The following PLAAT1 variants were observed in gnomAD, a reference collection of about 807,000 sequenced individuals.
PLAAT1 encodes the protein phospholipase A and acyltransferase 1, also known as H-REV107 protein-related protein.
A neutral mutation model predicts 16.4 loss-of-function variants in PLAAT1; 13 were observed. The observed-to-expected ratio is 0.79, with a 90% confidence interval of 0.52 to 1.26. The LOEUF (loss-of-function observed/expected upper bound fraction) is 1.26. Among genes scored for constraint, PLAAT1 ranks in the 50% most tolerant of loss-of-function variants. The pLI is 0.00. For synonymous variants in PLAAT1, 73 were observed against 78.4 expected (o/e 0.93, Z 0.36); for missense variants, 218 against 207.8 (o/e 1.05, Z -0.30).
chr3:193,246,435 A>T (rs13090024), intron 1 of PLAAT1, among the ~76,000 whole-genome samples: 3 of 151,708 alleles, frequency 2.0e-5, no homozygotes, highest in African/African-American at 7.3e-5. Context: ...TGTGATCTTG[A>T]CTCACTGCAA....
chr3:193,264,531 C>T (rs77366019), intron 3 of PLAAT1, among the ~76,000 whole-genome samples: 1,579 of 149,216 alleles, frequency 0.011, 50 homozygotes, highest in East Asian at 0.073. Context: ...TTAGATGGAG[C>T]CTTGCTCTGT....
upstream of PLAAT1, chr3:193,241,202 G>T: frequency 8.2e-7 from 1 of 1,222,270 alleles, no homozygotes. Context: ...CCTCCTGGGC[G>T]GAGCGGGCGG....
chr3:193,280,367 C>T (rs112883213), downstream of PLAAT1, among the ~76,000 whole-genome samples: 39 of 152,148 alleles, frequency 2.6e-4, no homozygotes, highest in South Asian at 2.1e-4. Context: ...TTTTCTTAAA[C>T]CAGTTAAAAT....
At chr3:193,249,668 G>C (rs958390280) in intron 1 of PLAAT1, among the ~76,000 whole-genome samples, 2 of 151,930 alleles carry the variant, frequency 1.3e-5, no homozygotes, top group African/African-American at 4.8e-5. Flanking sequence ...AAGGCTGTTA[G>C]GCTGTTTCAC....
upstream of PLAAT1, chr3:193,241,044 G>A (rs965893381): frequency 7.4e-5 from 33 of 443,768 alleles, no homozygotes; most frequent in East Asian, 1.3e-3. Context: ...CGCTTTGACC[G>A]TAGGCGCTGG....
chr3:193,269,669 T>A (rs895243194), intron 3 of PLAAT1, among the ~76,000 whole-genome samples: 1 of 152,222 alleles, frequency 6.6e-6, no homozygotes, highest in African/African-American at 2.4e-5. Flanking sequence ...TTGAAAGACC[T>A]GATTCTTCAA....
intron 1 of PLAAT1, among the ~76,000 whole-genome samples, chr3:193,253,972 T>C (rs1716287916): frequency 6.6e-6 from 1 of 152,204 alleles, no homozygotes; most frequent in Non-Finnish European, 1.5e-5. Context: ...CTCGGAATCA[T>C]AGCAGGCAGC....
intron 3 of PLAAT1, among the ~76,000 whole-genome samples, chr3:193,265,026 A>G (rs1023304948): frequency 3.9e-5 from 6 of 152,226 alleles, no homozygotes; most frequent in Admixed American, 3.9e-4. Flanking sequence ...AAGGAAGTGA[A>G]GAAATTGGAA....
In PLAAT1 at chr3:193,241,505, C is replaced by T. The variant is rs1183988138; in HGVS notation, c.-29C>T. ...GGACACACACAGCTGCCTCCCGGTG[C>T]GAGAAGAAGACCCCGGCTTGAGAGT... On this transcript the variant is annotated 5_prime_UTR_variant, in exon 1 of 4. It introduces an in-frame stop codon into an upstream open reading frame of the 5' UTR. Coordinates refer to ENST00000264735, the MANE Select transcript of PLAAT1 (RefSeq NM_020386.5). The T allele has an allele frequency of 3.0e-5, 37 of 1,231,802 alleles. No individual in the cohort carries two copies. Among genetic ancestry groups the T allele is most frequent in the Non-Finnish European group, 3.6e-5 (36 of 988,154 alleles). The allele number at this position is 1,231,802 out of a possible 1,614,324, so 76.3% of individuals were successfully genotyped here. A position where few individuals can be genotyped will look rare whatever the true frequency, so the allele number is the denominator to read the frequency against.
At chr3:193,249,746 G>C (rs1254313867) in intron 1 of PLAAT1, among the ~76,000 whole-genome samples, 1 of 151,660 alleles carries the variant, frequency 6.6e-6, no homozygotes, top group South Asian at 2.1e-4. Flanking sequence ...ATTCAAGTTT[G>C]CTAATTCTTA....
chr3:193,252,211 C>CTA (rs1405333669), intron 1 of PLAAT1, among the ~76,000 whole-genome samples: 1 of 151,978 alleles, frequency 6.6e-6, no homozygotes, highest in Non-Finnish European at 1.5e-5. Flanking sequence ...GCACCACACT[C>CTA]TTTTAAACAA....
intron 1 of PLAAT1, among the ~76,000 whole-genome samples, chr3:193,253,490 C>T (rs1396582793): frequency 3.9e-5 from 6 of 152,186 alleles, no homozygotes; most frequent in Non-Finnish European, 7.3e-5. Flanking sequence ...ATTCACAGGG[C>T]ATTTGCAACA....
chr3:193,260,439 C>T (rs1716542769), intron 2 of PLAAT1, among the ~76,000 whole-genome samples: 1 of 152,038 alleles, frequency 6.6e-6, no homozygotes. Flanking sequence ...AGAAAATATT[C>T]ATAAACTGTG....
downstream of PLAAT1, among the ~76,000 whole-genome samples, chr3:193,273,067 T>C (rs1367829629): frequency 3.9e-5 from 6 of 152,236 alleles, no homozygotes; most frequent in Non-Finnish European, 7.3e-5. Context: ...AGAAACCTTA[T>C]AGGTTGTAGG....
At chr3:193,257,092 A>G (rs1055406905) in intron 2 of PLAAT1, among the ~76,000 whole-genome samples, 3 of 152,228 alleles carry the variant, frequency 2.0e-5, no homozygotes, top group Middle Eastern at 3.4e-3. Flanking sequence ...ATGTCTCTTT[A>G]AAAAACTAAA....
chr3:193,259,294 C>T (rs1716500555), intron 2 of PLAAT1, among the ~76,000 whole-genome samples: 1 of 151,974 alleles, frequency 6.6e-6, no homozygotes, highest in African/African-American at 2.4e-5. Flanking sequence ...ACTGAATGGG[C>T]CATTCCCCTT....
At chr3:193,274,706 C>A, downstream of PLAAT1, 1 of 244,580 alleles carries the variant, frequency 4.1e-6, no homozygotes. Flanking sequence ...CAAATGTTGC[C>A]TCAATTTTTC....
rs1209283377 is a variant in PLAAT1 at position 193,257,041 on chromosome 3, T to C, written c.139+1252T>C. On this transcript the variant is annotated intron_variant, in intron 2 of 3. Coordinates refer to ENST00000264735, the MANE Select transcript of PLAAT1 (RefSeq NM_020386.5). ...CACTATTTAGACTCTCTGTCACACA[T>C]CTGCATTTTTTTCTATGTGCTGTCT... Among the ~76,000 whole-genome samples the C allele has an allele frequency of 3.3e-5, 5 of 152,176 alleles. No homozygotes were observed. The East Asian group carries it at 5.8e-4, about 18-fold the overall frequency.
At chr3:193,261,813 T>G (rs554956066) in intron 2 of PLAAT1, among the ~76,000 whole-genome samples, 29 of 152,312 alleles carry the variant, frequency 1.9e-4, no homozygotes, top group African/African-American at 6.7e-4. Context: ...TCTCCAAATT[T>G]TAATTTTCTA....
Sources: allele counts gnomAD v4.1 joint callset (sites outside exome capture counted in the v4.1 genomes callset), GRCh38; gene constraint gnomAD v4.1.1; transcripts MANE v1.5; gene names NCBI Gene and HGNC (gene_info 2026-07-23, HGNC 2026-07-21).